EDARADD: variants seen among roughly 807,000 people sequenced by gnomAD.
EDARADD encodes ectodysplasin-A receptor-associated adapter protein.
In EDARADD, 20 loss-of-function variants were observed where a neutral mutation model predicts 25.6. The observed-to-expected ratio is 0.78, with a 90% CI of 0.55 to 1.14. The LOEUF is 1.14. Ranked by LOEUF, EDARADD falls within the 50% of genes most tolerant of loss-of-function variation. The pLI is 0.00. For synonymous variants in EDARADD, 86 were observed against 94.4 expected, an observed-to-expected ratio of 0.91 and a Z score of 0.52; for missense variants, 225 against 270.1, an observed-to-expected ratio of 0.83 and a Z score of 1.17.
chr1:236,411,316 G>A (rs1269776215), intron 2 of EDARADD, among the ~76,000 whole-genome samples: 2 of 152,116 alleles, frequency 1.3e-5, no homozygotes, highest in Admixed American at 6.6e-5. Context: ...TTGAAATCAA[G>A]GTGTCCTCAG....
chr1:236,453,949 AG>A (rs1438118216), intron 4 of EDARADD, among the ~76,000 whole-genome samples: 2 of 152,038 alleles, frequency 1.3e-5, no homozygotes, highest in Non-Finnish European at 2.9e-5. Context: ...ATGCTAAAGT[AG>A]CCACCCAATA....
At chr1:236,405,852 TC>T (rs1375686880) in intron 1 of EDARADD, among the ~76,000 whole-genome samples, 21 of 48,392 alleles carry the variant, frequency 4.3e-4, no homozygotes, top group African/African-American at 1.6e-3. Flanking sequence ...CTTCCTTCCT[TC>T]CTTCCTTCCT....
intron 3 of EDARADD, among the ~76,000 whole-genome samples, chr1:236,388,150 C>T (rs1667378771): frequency 6.9e-6 from 1 of 145,560 alleles, no homozygotes; most frequent in South Asian, 2.2e-4. Flanking sequence ...GTGTGTGTAT[C>T]CTCCCAACAC....
At chr1:236,385,804 G>GTTTTA (rs1262315413) in intron 3 of EDARADD, among the ~76,000 whole-genome samples, 2 of 3,900 alleles carry the variant, frequency 5.1e-4, no homozygotes, top group Non-Finnish European at 1.2e-3. Context: ...TTGAAAGTTA[G>GTTTTA]CTCTCTCCCT....
At chr1:236,455,881 C>T (rs891144756) in intron 4 of EDARADD, among the ~76,000 whole-genome samples, 1 of 152,154 alleles carries the variant, frequency 6.6e-6, no homozygotes, top group African/African-American at 2.4e-5. Flanking sequence ...CCTCTGCCTC[C>T]CGGGTTCACG....
At chr1:236,361,234 G>A (rs142022745) in intron 3 of EDARADD, among the ~76,000 whole-genome samples, 1 of 152,058 alleles carries the variant, frequency 6.6e-6, no homozygotes, top group Non-Finnish European at 1.5e-5. Context: ...TTTCCCCTAC[G>A]CCACCAGTCC....
At chr1:236,389,156 G>A (rs1452804329) in intron 3 of EDARADD, among the ~76,000 whole-genome samples, 1 of 152,190 alleles carries the variant, frequency 6.6e-6, no homozygotes, top group African/African-American at 2.4e-5. Flanking sequence ...GCTGGAAATG[G>A]TGCTGGGTGT....
intron 1 of EDARADD, among the ~76,000 whole-genome samples, chr1:236,405,874 CT>C (rs1370860313): frequency 3.2e-5 from 1 of 30,876 alleles, no homozygotes; most frequent in African/African-American, 1.2e-4. Flanking sequence ...TCCTTCCTTC[CT>C]TCTTTCTTTC....
At position 236,425,980 on chromosome 1, in the gene EDARADD, T is replaced by A. The variant is rs12732689; in HGVS notation, c.161-1412T>A. ...TTTTATTTTTCTTATCTTTTTTTTT[T>A]ATTTTTTTATTTTTGGAGACAGGGT... On this transcript the variant is annotated intron_variant, in intron 3 of 5. Transcript: ENST00000334232. 1.6e-3 allele frequency among the ~76,000 whole-genome samples: 231 copies of A among 147,664 alleles called. 2 individuals are homozygous for A. The highest frequency in any genetic ancestry group is 4.9e-3 in the African/African-American group (201 of 40,818).
rs1659774818 is a variant in EDARADD, at chr1:236,484,481, G to T, written c.*1832G>T. 6.2e-7 allele frequency: 1 copy of T among 1,604,704 alleles called. No homozygotes were observed. Among genetic ancestry groups the T allele is most frequent in the Non-Finnish European group, 8.5e-7 (1 of 1,175,138 alleles). Reference sequence around the variant, plus strand: ...CCCCAGCCAAGTAAGCTGTGGGCAGGCAAGCCCTTCAGTCACCTGGTGGCT... The same window carrying T: ...CCCCAGCCAAGTAAGCTGTGGGCAGTCAAGCCCTTCAGTCACCTGGTGGCT... On this transcript the variant is annotated 3_prime_UTR_variant, in exon 6 of 6. Transcript: ENST00000334232. This position sits in a 1 kb window ranked among gnomAD's most constrained non-coding sequence, Gnocchi z 4.1.
chr1:236,383,274 A>C (rs185833077), intron 3 of EDARADD, among the ~76,000 whole-genome samples: 3 of 151,896 alleles, frequency 2.0e-5, no homozygotes, highest in African/African-American at 7.3e-5. Context: ...GCATGCCTGT[A>C]GTCCCAGCTA....
intron 1 of EDARADD, among the ~76,000 whole-genome samples, chr1:236,402,208 C>T (rs373982416): frequency 9.2e-5 from 14 of 152,110 alleles, no homozygotes; most frequent in Non-Finnish European, 1.8e-4. Context: ...GTGATCTGCC[C>T]GCCTCGGCCT....
At chr1:236,413,213 G>C (rs1338320322) in intron 2 of EDARADD, among the ~76,000 whole-genome samples, 1 of 152,284 alleles carries the variant, frequency 6.6e-6, no homozygotes, top group East Asian at 1.9e-4. Context: ...TGTGTTCCTC[G>C]GTCTTGGGAG....
At chr1:236,386,922 G>A (rs1181581340) in intron 3 of EDARADD, among the ~76,000 whole-genome samples, 3 of 66,624 alleles carry the variant, frequency 4.5e-5, no homozygotes, top group African/African-American at 1.5e-4. Context: ...GAGGGAGGTG[G>A]GGGGGTCAGC....
intron 4 of EDARADD, among the ~76,000 whole-genome samples, chr1:236,467,243 G>A (rs16833708): frequency 0.05 from 7,495 of 150,010 alleles, 452 homozygotes; most frequent in African/African-American, 0.14. Flanking sequence ...CCGTGCCTGA[G>A]GTTCTAAAGC....
chr1:236,390,750 G>A (rs891711037), upstream of EDARADD, among the ~76,000 whole-genome samples: 4 of 152,056 alleles, frequency 2.6e-5, no homozygotes, highest in Non-Finnish European at 5.9e-5. Context: ...CACAGCTGCT[G>A]GATTAATCTT....
intron 3 of EDARADD, among the ~76,000 whole-genome samples, chr1:236,422,809 G>C (rs544189643): frequency 1.3e-5 from 2 of 152,274 alleles, no homozygotes; most frequent in East Asian, 3.9e-4. Context: ...AGAGTGCCCG[G>C]GTTTAGCTCC....
At chr1:236,443,547 A>G (rs1400513235) in intron 4 of EDARADD, among the ~76,000 whole-genome samples, 2 of 152,242 alleles carry the variant, frequency 1.3e-5, no homozygotes, top group Non-Finnish European at 2.9e-5. Flanking sequence ...CTGCAGATAC[A>G]GTAGAAATAG....
intron 4 of EDARADD, among the ~76,000 whole-genome samples, chr1:236,467,449 C>CACACACACACACACACAT (rs1553270580): frequency 6.6e-6 from 1 of 151,454 alleles, no homozygotes; most frequent in Non-Finnish European, 1.5e-5. Flanking sequence ...CACACACACA[C>CACACACACACACACACAT]ACACACATAC....
Sources: allele counts gnomAD v4.1 joint callset (sites outside exome capture counted in the v4.1 genomes callset), GRCh38; gene constraint gnomAD v4.1.1; non-coding constraint Gnocchi (gnomAD v3.1); transcripts MANE v1.5; gene names NCBI Gene and HGNC (gene_info 2026-07-23, HGNC 2026-07-21).